Variants in ARHGEF7 observed in about 807,000 individuals in gnomAD.
ARHGEF7 encodes the protein Rho guanine nucleotide exchange factor 7, also known as PAK-interacting exchange factor beta.
Under a neutral mutation model 109.8 loss-of-function variants are expected in ARHGEF7, and 33 were observed. The observed-to-expected ratio is 0.30, with a 90% CI of 0.23 to 0.40. The LOEUF is 0.40. ARHGEF7 is among the 10% of genes least tolerant of loss of function. The probability of loss-of-function intolerance (pLI) is 1.00; values close to 1 mark genes in which losing one functional copy is unlikely to be tolerated. For missense variants in ARHGEF7, 938 were observed against 1,098.5 expected (o/e 0.85, Z 2.07); for synonymous variants, 458 against 424.6 (o/e 1.08, Z -0.97).
chr13:111,293,860 C>T (rs2093361254), intron 19 of ARHGEF7: 1 of 985,326 alleles, frequency 1.0e-6, no homozygotes, highest in Non-Finnish European at 1.2e-6. Flanking sequence ...TCAGTCTTGT[C>T]CTGGGAGCCG....
chr13:111,190,843 G>A (rs2079802734), intron 2 of ARHGEF7, among the ~76,000 whole-genome samples: 1 of 151,822 alleles, frequency 6.6e-6, no homozygotes, highest in Non-Finnish European at 1.5e-5. Flanking sequence ...GGTTGTGTAT[G>A]TTAAAAAGGT....
chr13:111,244,653 A>G (rs570252767), intron 8 of ARHGEF7, among the ~76,000 whole-genome samples: 3 of 152,362 alleles, frequency 2.0e-5, no homozygotes, highest in Admixed American at 6.5e-5. Context: ...CTTGAAGGCC[A>G]GGTCTTTCCC....
At position 111,267,427 on chromosome 13, in the gene ARHGEF7, G is replaced by T. The variant is rs372423076; in HGVS notation, c.951-121G>T. Reference sequence around the variant, plus strand: ...CATGTGTGCTGGGATCGGGGCCTCTGGTTTTCACAGATGGGTGCAGAGGGA... The same window carrying T: ...CATGTGTGCTGGGATCGGGGCCTCTTGTTTTCACAGATGGGTGCAGAGGGA... On this transcript the variant is annotated intron_variant, in intron 8 of 21. Transcript: ENST00000646102. 9.7e-6 allele frequency: 13 copies of T among 1,344,670 alleles called. No homozygotes were observed. The African/African-American group carries it at 1.7e-4, about 18-fold the overall frequency. The allele number at this position is 1,344,670 out of a possible 1,614,324, so 83.3% of individuals were successfully genotyped here. A position where few individuals can be genotyped will look rare whatever the true frequency, so the allele number is the denominator to read the frequency against.
At position 111,258,890 on chromosome 13, in the gene ARHGEF7, AACTG is replaced by A. The variant is rs1394412691; in HGVS notation, c.951-8652_951-8649del. On this transcript the variant is annotated intron_variant, in intron 8 of 21. Coordinates refer to ENST00000646102, the MANE Select transcript of ARHGEF7 (RefSeq NM_001354046.2). The surrounding 1 kb of genome is among the most constrained non-coding windows in gnomAD (Gnocchi z 4.4). ...CTCAGGCCTGGTGGCATTCACCACA[AACTG>A]ACTGAAGAGTCCTTGGGCCTTGAAG... is the stretch of plus-strand genomic sequence containing the variant. 1.3e-5 allele frequency among the ~76,000 whole-genome samples: 2 copies of A among 151,702 alleles called. No homozygotes were observed. Among genetic ancestry groups the A allele is most frequent in the Admixed American group, 1.3e-4 (2 of 15,262 alleles).
At chr13:111,124,333 G>T (rs770103412) in intron 1 of ARHGEF7, among the ~76,000 whole-genome samples, 3 of 152,264 alleles carry the variant, frequency 2.0e-5, no homozygotes, top group Non-Finnish European at 4.4e-5. Flanking sequence ...CCAGGGACAT[G>T]CAGGTCTCGC....
intron 1 of ARHGEF7, among the ~76,000 whole-genome samples, chr13:111,118,536 G>A (rs962848717): frequency 1.3e-5 from 2 of 152,138 alleles, no homozygotes; most frequent in Non-Finnish European, 2.9e-5. Context: ...TCTCCAGGAG[G>A]GGTCAGGATG....
At chr13:111,121,706 G>A (rs527438681) in intron 1 of ARHGEF7, among the ~76,000 whole-genome samples, 6 of 151,666 alleles carry the variant, frequency 4.0e-5, no homozygotes, top group East Asian at 1.9e-4. Flanking sequence ...CCGAACCCAC[G>A]GGTCCCTGCC....
intron 1 of ARHGEF7, among the ~76,000 whole-genome samples, chr13:111,146,183 T>G (rs890955067): frequency 6.6e-6 from 1 of 152,226 alleles, no homozygotes; most frequent in Non-Finnish European, 1.5e-5. Flanking sequence ...ACCTTCATTC[T>G]GTGGTTGGGA....
intron 17 of ARHGEF7, among the ~76,000 whole-genome samples, chr13:111,287,227 C>T (rs1244134678): frequency 6.6e-6 from 1 of 152,242 alleles, no homozygotes; most frequent in African/African-American, 2.4e-5. Flanking sequence ...TCCCTGACCA[C>T]CAGGGCCCCT....
chr13:111,148,835 A>G (rs546189669), intron 1 of ARHGEF7, among the ~76,000 whole-genome samples: 1 of 152,372 alleles, frequency 6.6e-6, no homozygotes, highest in South Asian at 2.1e-4. Context: ...CCTAATCAAG[A>G]TGTTAATAAA....
At chr13:111,213,918 G>A (rs2153481264) in intron 4 of ARHGEF7, among the ~76,000 whole-genome samples, 1 of 152,196 alleles carries the variant, frequency 6.6e-6, no homozygotes, top group Middle Eastern at 3.4e-3. Flanking sequence ...CATGCATCTT[G>A]CGCTCTGATG....
intron 2 of ARHGEF7, among the ~76,000 whole-genome samples, chr13:111,198,910 CA>C (rs60468554): frequency 0.31 from 46,941 of 151,940 alleles, 8,231 homozygotes; most frequent in Non-Finnish European, 0.4. Flanking sequence ...TGCATTTTTA[CA>C]GAGTGCTGAT....
In ARHGEF7 at chr13:111,243,853, TATTC is replaced by T; in HGVS notation, c.760-16_760-13del. On this transcript the variant is annotated splice_polypyrimidine_tract_variant and intron_variant, in intron 6 of 21. Coordinates refer to ENST00000646102, the MANE Select transcript of ARHGEF7 (RefSeq NM_001354046.2). ...AGCAATTGAAATGTCAAATAACACT[TATTC>T]ATCATTTATTATAGGTGCTACAGAA... 3 of 1,494,482 alleles carry T rather than the reference TATTC, an allele frequency of 2.0e-6. No homozygotes were observed. The highest frequency in any genetic ancestry group is 2.8e-6 in the Non-Finnish European group (3 of 1,078,710). The allele number at this position is 1,494,482 out of a possible 1,614,324, so 92.6% of individuals were successfully genotyped here.
intron 15 of ARHGEF7, chr13:111,282,903 C>T (rs1015204201): frequency 1.6e-5 from 10 of 617,542 alleles, no homozygotes; most frequent in Non-Finnish European, 5.6e-6. Context: ...AGAGCTGCCC[C>T]TCCTGTCTGG....
rs1294098863 is a variant in ARHGEF7, at chr13:111,239,164, C to T, written c.760-4708C>T. Among the ~76,000 whole-genome samples the T allele has an allele frequency of 6.6e-6, 1 of 152,216 alleles. No individual in the cohort carries two copies. Among genetic ancestry groups the T allele is most frequent in the Non-Finnish European group, 1.5e-5 (1 of 68,044 alleles). On this transcript the variant is annotated intron_variant, in intron 6 of 21. Transcript: ENST00000646102. The surrounding 1 kb of genome is among the most constrained non-coding windows in gnomAD (Gnocchi z 4.3). ...CCGTGCCATGATTCAGTTACCTCCACCCTGTCCCGCCCTTGACACATGGGG... is the reference window on the plus strand; with the variant it reads ...CCGTGCCATGATTCAGTTACCTCCATCCTGTCCCGCCCTTGACACATGGGG...
chr13:111,161,635 C>G (rs1241199730), intron 2 of ARHGEF7, among the ~76,000 whole-genome samples: 2 of 152,066 alleles, frequency 1.3e-5, no homozygotes, highest in Non-Finnish European at 2.9e-5. Context: ...GTTCCATATT[C>G]ATTTTTTAAA....
intron 1 of ARHGEF7, among the ~76,000 whole-genome samples, chr13:111,138,444 G>A (rs1299317172): frequency 3.9e-5 from 6 of 152,144 alleles, no homozygotes; most frequent in Non-Finnish European, 8.8e-5. Flanking sequence ...TCACACCACT[G>A]CCCTCCAGCC....
At chr13:111,293,257 C>T in intron 19 of ARHGEF7, 3 of 985,366 alleles carry the variant, frequency 3.0e-6, no homozygotes, top group Non-Finnish European at 3.6e-6. Flanking sequence ...CGGCTCCCCA[C>T]CCCTGACATC....
At chr13:111,284,504 A>G (rs1225866823) in intron 16 of ARHGEF7, among the ~76,000 whole-genome samples, 1 of 152,234 alleles carries the variant, frequency 6.6e-6, no homozygotes, top group Non-Finnish European at 1.5e-5. Flanking sequence ...GCACAGTCTA[A>G]AGAAAAAGTG....
Sources: gnomAD v4.1 joint callset for allele counts (sites outside exome capture counted in the v4.1 genomes callset) on GRCh38, gnomAD v4.1.1 for gene constraint, Gnocchi (gnomAD v3.1) non-coding constraint, MANE v1.5 for transcripts, NCBI Gene and HGNC (gene_info 2026-07-23, HGNC 2026-07-21) for gene names.